TMCC1: variants seen among roughly 807,000 people sequenced by gnomAD.
TMCC1 encodes transmembrane and coiled-coil domain family 1.
In TMCC1, 15 loss-of-function variants were observed where a neutral mutation model predicts 52.4. That is an observed-to-expected ratio of 0.29 (90% confidence interval 0.19 to 0.44). The LOEUF is 0.44. Among genes scored for constraint, TMCC1 ranks in the 20% least tolerant of loss-of-function variants. The probability of loss-of-function intolerance (pLI) is 1.00; values close to 1 mark genes in which losing one functional copy is unlikely to be tolerated. For synonymous variants in TMCC1, 279 were observed against 301.9 expected, an observed-to-expected ratio of 0.92 and a Z score of 0.79; for missense variants, 503 against 806.0, an observed-to-expected ratio of 0.62 and a Z score of 4.55.
intron 4 of TMCC1, among the ~76,000 whole-genome samples, chr3:129,743,201 C>A (rs2051614293): frequency 6.6e-6 from 1 of 152,168 alleles, no homozygotes; most frequent in Admixed American, 6.5e-5. Context: ...TTTCAAAAAG[C>A]TCTTTCTAAA....
intron 4 of TMCC1, among the ~76,000 whole-genome samples, chr3:129,787,653 T>C (rs1004975915): frequency 3.3e-5 from 5 of 152,206 alleles, no homozygotes; most frequent in Non-Finnish European, 7.4e-5. Context: ...GTAAAATGTG[T>C]TCCTGCCTTT....
Position 129,797,362 on chromosome 3 carries a change from G to A in TMCC1, c.576+30441C>T, listed in dbSNP as rs955313552. Among the ~76,000 whole-genome samples, 26 of 151,574 alleles carry A rather than the reference G, an allele frequency of 1.7e-4. 1 individual carries two copies. The highest frequency in any genetic ancestry group is 5.6e-4 in the African/African-American group (23 of 41,342). ...AAAAACACGTATTTCATAATATCTC[G>A]GGAAGAGCAGAGAAGATGCATCAAA... On this transcript the variant is annotated intron_variant, in intron 4 of 6. Transcript: ENST00000393238.
intron 2 of TMCC1, among the ~76,000 whole-genome samples, chr3:129,878,085 A>G (rs993893995): frequency 6.6e-6 from 1 of 151,800 alleles, no homozygotes; most frequent in Admixed American, 6.6e-5. Context: ...CAGCCTCCCA[A>G]GTAGCTGGGA....
intron 4 of TMCC1, among the ~76,000 whole-genome samples, chr3:129,737,834 A>C (rs1172696379): frequency 2.6e-5 from 4 of 152,232 alleles, no homozygotes; most frequent in Non-Finnish European, 5.9e-5. Flanking sequence ...ATATTCAATG[A>C]TATTAAAAAG....
chr3:129,672,562 T>C (rs2088045030), intron 4 of TMCC1, among the ~76,000 whole-genome samples: 1 of 152,054 alleles, frequency 6.6e-6, no homozygotes. Context: ...ACTGCACCAC[T>C]GCACTCCAGT....
chr3:129,887,542 C>CAAAA (rs368045992), intron 1 of TMCC1, among the ~76,000 whole-genome samples: 20 of 91,352 alleles, frequency 2.2e-4, no homozygotes, highest in East Asian at 2.2e-3. Flanking sequence ...CTCCGTCTCT[C>CAAAA]AAAAAAAAAA....
At chr3:129,846,793 C>T (rs575940963) in intron 2 of TMCC1, among the ~76,000 whole-genome samples, 145 of 141,130 alleles carry the variant, frequency 1.0e-3, no homozygotes, top group African/African-American at 3.5e-3. Context: ...CTTTGGGATG[C>T]TGAGGCAGGA....
At chr3:129,663,616 G>T (rs1004029621) in intron 5 of TMCC1, among the ~76,000 whole-genome samples, 3 of 152,170 alleles carry the variant, frequency 2.0e-5, no homozygotes, top group African/African-American at 7.2e-5. Context: ...AAGGGAAAAA[G>T]ATATCAGTCC....
chr3:129,799,538 C>T (rs944509199), intron 4 of TMCC1, among the ~76,000 whole-genome samples: 8 of 152,036 alleles, frequency 5.3e-5, no homozygotes, highest in Non-Finnish European at 8.8e-5. Flanking sequence ...GGGCCGGGCA[C>T]GGTGGCTCAC....
At chr3:129,743,748 T>A (rs2051669949) in intron 4 of TMCC1, among the ~76,000 whole-genome samples, 1 of 152,304 alleles carries the variant, frequency 6.6e-6, no homozygotes, top group South Asian at 2.1e-4. Flanking sequence ...ATCTGCAAAA[T>A]GCCCATTCCT....
In TMCC1 at chr3:129,669,637, C is replaced by T. The variant is rs935898700; in HGVS notation, c.1511+693G>A. 1.2e-4 allele frequency among the ~76,000 whole-genome samples: 18 copies of T among 151,930 alleles called. 1 individual carries two copies. Among genetic ancestry groups the T allele is most frequent in the African/African-American group, 3.4e-4 (14 of 41,316 alleles). ...TTAGTAGAGATGGGATTTCTCCAGA[C>T]GAGAATATTATTTCTCTCTGCGTGT... On this transcript the variant is annotated intron_variant, in intron 5 of 6. Coordinates refer to ENST00000393238, the MANE Select transcript of TMCC1 (RefSeq NM_001017395.5).
intron 4 of TMCC1, among the ~76,000 whole-genome samples, chr3:129,768,655 T>C (rs1320808039): frequency 1.3e-5 from 2 of 152,148 alleles, no homozygotes; most frequent in Non-Finnish European, 2.9e-5. Flanking sequence ...ATGAAATACA[T>C]CCCACAAGAG....
chr3:129,714,917 A>C (rs925456467), intron 4 of TMCC1, among the ~76,000 whole-genome samples: 4 of 152,196 alleles, frequency 2.6e-5, no homozygotes, highest in African/African-American at 9.7e-5. Flanking sequence ...GCACACTGTA[A>C]TCCTATTTCC....
chr3:129,891,239 A>G (rs2061952249), intron 1 of TMCC1, among the ~76,000 whole-genome samples: 1 of 152,196 alleles, frequency 6.6e-6, no homozygotes, highest in South Asian at 2.1e-4. Flanking sequence ...TTTTCTTCAT[A>G]ATTCATATTA....
intron 4 of TMCC1, among the ~76,000 whole-genome samples, chr3:129,777,774 A>G (rs1316225903): frequency 6.6e-6 from 1 of 152,222 alleles, no homozygotes; most frequent in Non-Finnish European, 1.5e-5. Context: ...TAAAATAAAG[A>G]ACAAAAGCAA....
At chr3:129,834,383 T>C (rs1285106339) in intron 2 of TMCC1, among the ~76,000 whole-genome samples, 1 of 152,160 alleles carries the variant, frequency 6.6e-6, no homozygotes, top group Non-Finnish European at 1.5e-5. Flanking sequence ...TGAGTATTTA[T>C]ATTAAATTGC....
chr3:129,751,933 T>C lies in TMCC1; in HGVS notation c.576+75870A>G, dbSNP rs116308137. Among the ~76,000 whole-genome samples the C allele has an allele frequency of 4.6e-3, 694 of 152,342 alleles. 8 individuals are homozygous for C. The highest frequency in any genetic ancestry group is 0.016 in the African/African-American group (660 of 41,580). On this transcript the variant is annotated intron_variant, in intron 4 of 6. Coordinates refer to ENST00000393238, the MANE Select transcript of TMCC1 (RefSeq NM_001017395.5). ...GACTTCAAGCTGCCTATCTTCTATT[T>C]ACTGTTAGGATGGTGAGGCCTTAGA... is the stretch of plus-strand genomic sequence containing the variant.
intron 4 of TMCC1, among the ~76,000 whole-genome samples, chr3:129,731,862 C>T (rs182845772): frequency 1.3e-5 from 2 of 151,972 alleles, no homozygotes; most frequent in East Asian, 1.9e-4. Context: ...TGAGCTTAAA[C>T]GATTCACCTG....
intron 4 of TMCC1, among the ~76,000 whole-genome samples, chr3:129,791,479 T>A (rs2056460964): frequency 6.6e-6 from 1 of 152,162 alleles, no homozygotes; most frequent in South Asian, 2.1e-4. Context: ...CGGCTTCCTA[T>A]TGATCTTGTC....
Sources: allele counts gnomAD v4.1 joint callset (sites outside exome capture counted in the v4.1 genomes callset), GRCh38; gene constraint gnomAD v4.1.1; transcripts MANE v1.5; gene names NCBI Gene and HGNC (gene_info 2026-07-23, HGNC 2026-07-21).